Variants in RANBP17 observed in about 807,000 individuals in gnomAD.
RANBP17 encodes the protein RAN binding protein 17.
In RANBP17, 158 loss-of-function variants were observed where a neutral mutation model predicts 141.2. The observed-to-expected ratio is 1.12, with a 90% CI of 0.98 to 1.28. RANBP17 has a LOEUF of 1.28. RANBP17 is among the 50% of genes most tolerant of loss of function. The pLI is 0.00. For synonymous variants in RANBP17, 430 were observed against 450.0 expected, an observed-to-expected ratio of 0.96 and a Z score of 0.56; for missense variants, 1,438 against 1,290.7, an observed-to-expected ratio of 1.11 and a Z score of -1.75.
At chr5:171,293,061 G>A (rs1158360603) in intron 25 of RANBP17, among the ~76,000 whole-genome samples, 1 of 152,020 alleles carries the variant, frequency 6.6e-6, no homozygotes, top group Non-Finnish European at 1.5e-5. Context: ...TGCCTTCTTT[G>A]CTTAGAACAC....
chr5:170,978,724 G>A (rs976572023), intron 14 of RANBP17, among the ~76,000 whole-genome samples: 4 of 152,136 alleles, frequency 2.6e-5, no homozygotes, highest in Non-Finnish European at 5.9e-5. Context: ...TTTTGACTGG[G>A]AAAGTGAACT....
At chr5:170,942,222 C>G (rs113765389) in intron 12 of RANBP17, among the ~76,000 whole-genome samples, 2,023 of 152,178 alleles carry the variant, frequency 0.013, 48 homozygotes, top group African/African-American at 0.043. Flanking sequence ...CTCCCCAGTC[C>G]GTGGAAAAAT....
chr5:171,265,654 A>G (rs1766621694), intron 24 of RANBP17, 27 bp from the exon 25 acceptor site: 4 of 1,526,612 alleles, frequency 2.6e-6, no homozygotes, highest in Admixed American at 2.1e-5. Context: ...AGTAATGCAA[A>G]TGAATTCTTA....
At chr5:170,921,041 G>A (rs1348008585) in intron 11 of RANBP17, among the ~76,000 whole-genome samples, 4 of 152,096 alleles carry the variant, frequency 2.6e-5, no homozygotes, top group African/African-American at 9.7e-5. Context: ...TCTGTAGGTT[G>A]CCTGTTCACT....
chr5:170,953,121 A>G (rs1456152003), intron 12 of RANBP17, among the ~76,000 whole-genome samples: 2 of 152,122 alleles, frequency 1.3e-5, no homozygotes, highest in African/African-American at 4.8e-5. Flanking sequence ...AAGCAGGGGA[A>G]ATATTTAAAA....
At chr5:171,033,810 A>T (rs545934676) in intron 14 of RANBP17, among the ~76,000 whole-genome samples, 2 of 152,124 alleles carry the variant, frequency 1.3e-5, no homozygotes, top group Admixed American at 6.6e-5. Flanking sequence ...GACTTTGGAG[A>T]TAAGATTGCA....
intron 14 of RANBP17, among the ~76,000 whole-genome samples, chr5:171,033,722 C>G (rs1781692762): frequency 6.6e-6 from 1 of 152,012 alleles, no homozygotes; most frequent in Admixed American, 6.6e-5. Flanking sequence ...TGCATATGTT[C>G]ATTCACTCTC....
intron 14 of RANBP17, among the ~76,000 whole-genome samples, chr5:171,147,232 TG>T (rs1439328067): frequency 2.0e-5 from 3 of 151,874 alleles, no homozygotes; most frequent in Non-Finnish European, 1.5e-5. Flanking sequence ...GCACAATGAG[TG>T]GCATATACAT....
At chr5:170,925,855 T>C (rs1010479653) in intron 12 of RANBP17, among the ~76,000 whole-genome samples, 3 of 152,202 alleles carry the variant, frequency 2.0e-5, no homozygotes, top group African/African-American at 7.2e-5. Flanking sequence ...TGACAGCTCA[T>C]ACTGATGCAT....
chr5:171,215,821 G>A (rs1369896787), intron 21 of RANBP17, among the ~76,000 whole-genome samples: 1 of 152,036 alleles, frequency 6.6e-6, no homozygotes, highest in African/African-American at 2.4e-5. Context: ...TGTCAGATGA[G>A]TAGCTTGCAA....
intron 14 of RANBP17, among the ~76,000 whole-genome samples, chr5:171,019,891 G>T (rs772893040): frequency 4.6e-5 from 7 of 152,062 alleles, no homozygotes; most frequent in Non-Finnish European, 7.4e-5. Flanking sequence ...GATATTTCTA[G>T]CTTTCTGATA....
rs555639846 is a variant in RANBP17, at chr5:171,079,243, G to T, written c.1711-90887G>T. Among the ~76,000 whole-genome samples, 15 of 152,260 alleles carry T rather than the reference G, an allele frequency of 9.9e-5. 1 individual carries two copies. In the South Asian group the frequency reaches 2.9e-3, roughly 29 times the overall value. On this transcript the variant is annotated intron_variant, in intron 14 of 27. Coordinates refer to ENST00000523189, the MANE Select transcript of RANBP17 (RefSeq NM_022897.5). ...AGAAGTGGAGCCTGAAGATGTGACT[G>T]AATTACTTTAATCTCATGATAAAAA...
chr5:171,022,124 G>A (rs1210914263), intron 14 of RANBP17, among the ~76,000 whole-genome samples: 1 of 152,122 alleles, frequency 6.6e-6, no homozygotes, highest in Non-Finnish European at 1.5e-5. Context: ...CCCATACCTG[G>A]AGATGTCACT....
intron 14 of RANBP17, among the ~76,000 whole-genome samples, chr5:171,075,681 G>T (rs1293748021): frequency 1.3e-5 from 2 of 152,140 alleles, no homozygotes; most frequent in Non-Finnish European, 2.9e-5. Context: ...GGCCAGGCGT[G>T]GTGGCTCAAG....
intron 12 of RANBP17, among the ~76,000 whole-genome samples, chr5:170,929,286 G>T (rs1773157347): frequency 6.6e-6 from 1 of 152,010 alleles, no homozygotes; most frequent in South Asian, 2.1e-4. Flanking sequence ...ATGTTAAGAA[G>T]GGGACATTCT....
chr5:171,228,991 C>T (rs1013795129), intron 22 of RANBP17, among the ~76,000 whole-genome samples: 1 of 151,884 alleles, frequency 6.6e-6, no homozygotes, highest in Admixed American at 6.6e-5. Context: ...TGGTCTGGAA[C>T]TGAACTCACA....
At chr5:170,912,673 C>T (rs923603475) in intron 7 of RANBP17, among the ~76,000 whole-genome samples, 3 of 146,990 alleles carry the variant, frequency 2.0e-5, no homozygotes, top group Admixed American at 1.4e-4. Flanking sequence ...GAATGTAGAA[C>T]AAAAAAGCAA....
intron 14 of RANBP17, among the ~76,000 whole-genome samples, chr5:170,999,549 C>T (rs952142889): frequency 6.6e-6 from 1 of 152,026 alleles, no homozygotes. Context: ...TTGATATAAT[C>T]TTTTTGTAAA....
At chr5:171,135,672 T>A (rs1238249513) in intron 14 of RANBP17, among the ~76,000 whole-genome samples, 5 of 152,166 alleles carry the variant, frequency 3.3e-5, no homozygotes, top group African/African-American at 1.2e-4. Context: ...TTGTCCTTGG[T>A]TAAAAAATAA....
Sources: allele counts gnomAD v4.1 joint callset (sites outside exome capture counted in the v4.1 genomes callset), GRCh38; gene constraint gnomAD v4.1.1; transcripts MANE v1.5; gene names NCBI Gene and HGNC (gene_info 2026-07-23, HGNC 2026-07-21).